KIAA1549L: variants seen among roughly 807,000 people sequenced by gnomAD.
KIAA1549L encodes the protein KIAA1549 like, also known as UPF0606 protein KIAA1549L.
A neutral mutation model predicts 160.7 loss-of-function variants in KIAA1549L; 88 were observed. That is an observed-to-expected ratio of 0.55 (90% CI 0.46 to 0.65). The LOEUF is 0.65. Among genes scored for constraint, KIAA1549L ranks in the 30% least tolerant of loss-of-function variants. The pLI is 0.00. For synonymous variants in KIAA1549L, 950 were observed against 976.7 expected, an observed-to-expected ratio of 0.97 and a Z score of 0.51; for missense variants, 2,258 against 2,437.5, an observed-to-expected ratio of 0.93 and a Z score of 1.55.
intron 1 of KIAA1549L, among the ~76,000 whole-genome samples, chr11:33,488,685 G>C (rs1280000483): frequency 6.6e-6 from 1 of 152,188 alleles, no homozygotes; most frequent in Non-Finnish European, 1.5e-5. Flanking sequence ...CAGATCAGAG[G>C]TTTGAACTCA....
At chr11:33,403,273 A>ATGGACACACACATG (rs1565121744) in intron 1 of KIAA1549L, 1 of 140,818 alleles carries the variant, frequency 7.1e-6, no homozygotes, top group Non-Finnish European at 1.5e-5. Flanking sequence ...ACAGACACAC[A>ATGGACACACACATG]CAGACACAGA....
At chr11:33,510,304 G>A (rs1853197011) in intron 1 of KIAA1549L, among the ~76,000 whole-genome samples, 1 of 152,038 alleles carries the variant, frequency 6.6e-6, no homozygotes, top group Admixed American at 6.5e-5. Context: ...TCCTGCCTCA[G>A]CCCCCCGAGT....
intron 1 of KIAA1549L, among the ~76,000 whole-genome samples, chr11:33,412,654 C>G (rs1283899975): frequency 1.3e-5 from 2 of 152,216 alleles, no homozygotes; most frequent in Non-Finnish European, 2.9e-5. Context: ...TGATGGCAGG[C>G]TGATCACCCA....
chr11:33,502,472 C>T (rs914988491), intron 1 of KIAA1549L, among the ~76,000 whole-genome samples: 3 of 152,164 alleles, frequency 2.0e-5, no homozygotes, highest in African/African-American at 4.8e-5. Flanking sequence ...ACTTGCTTTG[C>T]GGTCTTCTTC....
intron 1 of KIAA1549L, among the ~76,000 whole-genome samples, chr11:33,434,515 C>A (rs377006286): frequency 1.3e-5 from 2 of 152,138 alleles, no homozygotes; most frequent in Non-Finnish European, 2.9e-5. Context: ...GACATATGTC[C>A]GTTGGATCTG....
intron 1 of KIAA1549L, among the ~76,000 whole-genome samples, chr11:33,468,486 G>A (rs771477019): frequency 1.3e-5 from 2 of 152,216 alleles, no homozygotes; most frequent in African/African-American, 2.4e-5. Context: ...GGACATACCT[G>A]TGTCATTTCT....
In KIAA1549L at chr11:33,559,443, C is replaced by T. The variant is rs113356927; in HGVS notation, c.3856-306C>T. On this transcript the variant is annotated intron_variant, in intron 6 of 20. Coordinates refer to ENST00000658780, the MANE Select transcript of KIAA1549L (RefSeq NM_012194.3). ...CTATCCTTTATTAGCTGTGTGACCT[C>T]GGGTTGGTCCCTTGATCATTCTGGG... Among the ~76,000 whole-genome samples, 763 of 152,272 alleles carry T rather than the reference C, an allele frequency of 5.0e-3. 9 individuals carry two copies. Among genetic ancestry groups the T allele is most frequent in the Middle Eastern group, 0.024 (7 of 294 alleles).
At chr11:33,435,290 C>T (rs1851330157) in intron 1 of KIAA1549L, among the ~76,000 whole-genome samples, 1 of 152,074 alleles carries the variant, frequency 6.6e-6, no homozygotes, top group Admixed American at 6.6e-5. Context: ...TCTTGACTTG[C>T]TCTAATTAAG....
chr11:33,425,036 A>T (rs1295219660), intron 1 of KIAA1549L, among the ~76,000 whole-genome samples: 2 of 152,216 alleles, frequency 1.3e-5, no homozygotes, highest in Non-Finnish European at 1.5e-5. Flanking sequence ...AAATGAATGA[A>T]CAAATAAAAC....
intron 1 of KIAA1549L, among the ~76,000 whole-genome samples, chr11:33,431,040 C>T (rs1851228030): frequency 1.3e-5 from 2 of 151,996 alleles, no homozygotes; most frequent in African/African-American, 2.4e-5. Flanking sequence ...TTCGTGGTCT[C>T]GCTGGCTCAG....
chr11:33,582,443 A>G (rs1052610506), intron 10 of KIAA1549L, among the ~76,000 whole-genome samples: 4 of 152,164 alleles, frequency 2.6e-5, no homozygotes, highest in African/African-American at 7.2e-5. Context: ...AGGAGGACCA[A>G]CTCATGCTAA....
chr11:33,651,279 A>G (rs1851876242), intron 17 of KIAA1549L, among the ~76,000 whole-genome samples: 1 of 152,086 alleles, frequency 6.6e-6, no homozygotes, highest in Non-Finnish European at 1.5e-5. Flanking sequence ...TCTACTAAAA[A>G]TAGAAAAATT....
At chr11:33,656,165 T>C (rs1219711133) in intron 18 of KIAA1549L, 56 bp downstream of exon 18, 3 of 1,356,090 alleles carry the variant, frequency 2.2e-6, no homozygotes, top group African/African-American at 1.4e-5. Context: ...GTCAGTCCTA[T>C]GTACCCTGAC....
At chr11:33,474,319 C>T (rs986615643) in intron 1 of KIAA1549L, among the ~76,000 whole-genome samples, 1 of 152,220 alleles carries the variant, frequency 6.6e-6, no homozygotes, top group Non-Finnish European at 1.5e-5. Context: ...GCCCCACCTC[C>T]GTGATTCCAG....
intron 1 of KIAA1549L, among the ~76,000 whole-genome samples, chr11:33,391,374 G>A (rs1590214765): frequency 6.6e-6 from 1 of 152,188 alleles, no homozygotes; most frequent in Admixed American, 6.5e-5. Context: ...CAAACCTAGG[G>A]ATGCGGAGTC....
chr11:33,648,726 A>G (rs1851795833), intron 17 of KIAA1549L, among the ~76,000 whole-genome samples: 2 of 151,744 alleles, frequency 1.3e-5, no homozygotes, highest in Admixed American at 6.6e-5. Context: ...CTAATGTCCA[A>G]TCCAATTTTG....
Position 33,658,826 on chromosome 11 carries a change from G to T in KIAA1549L, c.5935G>T (p.Ala1979Ser), listed in dbSNP as rs1425281539. The T allele has an allele frequency of 2.6e-6, 4 of 1,564,642 alleles. No homozygotes were observed. Among genetic ancestry groups the T allele is most frequent in the Non-Finnish European group, 2.6e-6 (3 of 1,154,770 alleles). Reference protein sequence around the residue: ...GPEPAQLHDSASFTQMSRGPV... With the variant: ...GPEPAQLHDSSSFTQMSRGPV... ...CGAGCCGGCCCAGCTGCACGACAGC[G>T]CCTCCTTCACGCAGATGTCCAGAGG... The change falls in exon 19 of 21, where the codon GCC (alanine) becomes TCC (serine). Residue 1979 changes from alanine to serine, a missense_variant. Physicochemically the swap from Ala to Ser is moderately conservative, Grantham distance 99 (BLOSUM62 1). Around this residue, in one of 6 missense-constraint regions of KIAA1549L, gnomAD observed 1,359 missense variants for 1,546.6 expected, o/e 0.88. Transcript: ENST00000658780.
At chr11:33,639,571 G>A (rs372039108) in intron 16 of KIAA1549L, among the ~76,000 whole-genome samples, 3 of 151,926 alleles carry the variant, frequency 2.0e-5, no homozygotes, top group East Asian at 1.9e-4. Context: ...ATGGAGTCTC[G>A]CTCTGTCACC....
At chr11:33,580,571 C>CAAAAAAAAAAAAAAAAAAA (rs368467299) in intron 10 of KIAA1549L, among the ~76,000 whole-genome samples, 1 of 52,536 alleles carries the variant, frequency 1.9e-5, no homozygotes, top group Non-Finnish European at 4.4e-5. Context: ...GATTCTGCCT[C>CAAAAAAAAAAAAAAAAAAA]AAAAAAAAAA....
Sources: gnomAD v4.1 joint callset for allele counts (sites outside exome capture counted in the v4.1 genomes callset) on GRCh38, gnomAD v4.1.1 for gene constraint, gnomAD v4.1.1 regional missense constraint, MANE v1.5 for transcripts, NCBI Gene and HGNC (gene_info 2026-07-23, HGNC 2026-07-21) for gene names.